The following ABCC4 variants were observed in gnomAD, a reference collection of about 807,000 sequenced individuals.
The protein encoded by ABCC4 is ATP binding cassette subfamily C member 4 (PEL blood group), also known as ATP-binding cassette sub-family C member 4.
ABCC4 carries 102 observed loss-of-function variants against 168.5 expected under a neutral mutation model. The ratio of observed to expected loss-of-function variants is 0.61; its 90% confidence interval spans 0.52 to 0.71. The LOEUF is 0.71. ABCC4 is among the 30% of genes least tolerant of loss of function. ABCC4 has a pLI of 0.00. For synonymous variants in ABCC4, 617 were observed against 590.7 expected (o/e 1.04, Z -0.65); for missense variants, 1,402 against 1,605.8 (o/e 0.87, Z 2.17).
chr13:95,052,196 G>T (rs1184620217), intron 27 of ABCC4, among the ~76,000 whole-genome samples: 5 of 151,948 alleles, frequency 3.3e-5, no homozygotes, highest in African/African-American at 1.2e-4. Flanking sequence ...GGTCAGGCTG[G>T]TCTCAAACTT....
chr13:95,122,010 G>A (rs776248333), intron 19 of ABCC4, among the ~76,000 whole-genome samples: 10 of 152,150 alleles, frequency 6.6e-5, no homozygotes, highest in Non-Finnish European at 1.2e-4. Context: ...TTTCTAATGC[G>A]GTGGGAACTC....
chr13:95,160,652 T>C (rs1047964338), intron 19 of ABCC4, among the ~76,000 whole-genome samples: 17 of 152,354 alleles, frequency 1.1e-4, no homozygotes, highest in Admixed American at 2.6e-4. Context: ...TGGCTTTTAA[T>C]TAACCACATA....
chr13:95,157,352 C>T (rs1478271232), intron 19 of ABCC4, among the ~76,000 whole-genome samples: 2 of 151,158 alleles, frequency 1.3e-5, no homozygotes, highest in East Asian at 1.9e-4. Flanking sequence ...AAAAATTAGC[C>T]GGATGTGGTG....
At chr13:95,156,045 T>C (rs2036842323) in intron 19 of ABCC4, among the ~76,000 whole-genome samples, 1 of 152,188 alleles carries the variant, frequency 6.6e-6, no homozygotes, top group Non-Finnish European at 1.5e-5. Context: ...AGAAACATCA[T>C]ACAAGCAAAT....
At chr13:95,144,081 G>T (rs534279167) in intron 19 of ABCC4, among the ~76,000 whole-genome samples, 1 of 151,836 alleles carries the variant, frequency 6.6e-6, no homozygotes, top group African/African-American at 2.4e-5. Flanking sequence ...ACAGATAAAC[G>T]CATCCATTAG....
intron 11 of ABCC4, among the ~76,000 whole-genome samples, chr13:95,183,635 G>A (rs142697915): frequency 8.5e-5 from 13 of 152,314 alleles, no homozygotes; most frequent in East Asian, 3.9e-4. Context: ...CGAGCTGGTC[G>A]TGCGCAGTGG....
At chr13:95,146,105 G>A (rs115173025) in intron 19 of ABCC4, among the ~76,000 whole-genome samples, 2,473 of 151,930 alleles carry the variant, frequency 0.016, 46 homozygotes, top group African/African-American at 0.053. Flanking sequence ...CAACTACTCA[G>A]GAGACTGAGG....
Position 95,115,779 on chromosome 13 carries a change from T to C in ABCC4, c.2535+143A>G, listed in dbSNP as rs553493936. The stretch of plus-strand genomic sequence containing the variant: ...AGCCTCTGAGTTATAACCGCACCTT[T>C]CTTTTACAAACATGGCCCTTTATTA... On this transcript the variant is annotated intron_variant, in intron 20 of 30. Transcript: ENST00000645237. 6.5e-5 allele frequency: 45 copies of C among 695,386 alleles called. No individual in the cohort carries two copies. In the South Asian group the frequency reaches 8.5e-4, roughly 13 times the overall value. The allele number at this position is 695,386 out of a possible 1,614,324, so 43.1% of individuals were successfully genotyped here.
At position 95,186,842 on chromosome 13, in the gene ABCC4, C is replaced by G. The variant is rs779951869; in HGVS notation, c.1404G>C (p.Leu468=). 2 of 1,613,950 alleles carry G rather than the reference C, an allele frequency of 1.2e-6. No homozygotes were observed. The highest frequency in any genetic ancestry group is 2.2e-5 in the South Asian group (2 of 90,998). The stretch of plus-strand genomic sequence containing the variant: ...AGGCAATTCTTCCATGCACGCTGAC[C>G]AGCCCGTGACTTGGGGCCAATTCCC... ...VLGELAPSHG[L]VSVHGRIAYV... is the part of the protein sequence containing the mutation. Residue 468 remains leucine (L), a synonymous_variant, in exon 11 of 31, where the codon CTG becomes CTC. Transcript: ENST00000645237.
chr13:95,038,051 C>T (rs762975580), intron 29 of ABCC4, among the ~76,000 whole-genome samples: 4 of 152,022 alleles, frequency 2.6e-5, no homozygotes, highest in African/African-American at 7.3e-5. Flanking sequence ...GATGGGGTTT[C>T]GCTATGTTGC....
chr13:95,271,060 A>C (rs1246936871), intron 1 of ABCC4, among the ~76,000 whole-genome samples: 1 of 152,110 alleles, frequency 6.6e-6, no homozygotes, highest in Non-Finnish European at 1.5e-5. Context: ...GCGCCACTGC[A>C]CTCCAGCCTG....
chr13:95,179,118 C>T (rs2037807120), intron 11 of ABCC4, among the ~76,000 whole-genome samples: 2 of 152,292 alleles, frequency 1.3e-5, no homozygotes, highest in Admixed American at 1.3e-4. Flanking sequence ...GAGGTCTGTG[C>T]TGGAGACCCA....
intron 26 of ABCC4, among the ~76,000 whole-genome samples, chr13:95,062,106 T>G (rs983035530): frequency 6.6e-6 from 1 of 152,122 alleles, no homozygotes; most frequent in Non-Finnish European, 1.5e-5. Context: ...ACAATGGTGA[T>G]CGTAAGGAAG....
At chr13:95,218,300 T>C (rs1214499050) in intron 4 of ABCC4, among the ~76,000 whole-genome samples, 2 of 152,182 alleles carry the variant, frequency 1.3e-5, no homozygotes, top group African/African-American at 2.4e-5. Context: ...CTAAAACCAA[T>C]AATCTCTGTT....
Position 95,171,287 on chromosome 13 carries a change from A to G in ABCC4, c.1728-659T>C, listed in dbSNP as rs555224222. On this transcript the variant is annotated intron_variant, in intron 13 of 30. Transcript: ENST00000645237. The stretch of plus-strand genomic sequence containing the variant: ...ACAGTCCAAACCATATGGCTCAAAG[A>G]TAAGACCCACCTCAGTATTCAACCA... 3.3e-5 allele frequency among the ~76,000 whole-genome samples: 5 copies of G among 152,226 alleles called. No individual in the cohort carries two copies. The South Asian group carries it at 6.2e-4, about 19-fold the overall frequency.
At chr13:95,029,167 CATATATAT>C (rs67576340) in intron 30 of ABCC4, among the ~76,000 whole-genome samples, 5,286 of 82,548 alleles carry the variant, frequency 0.064, 436 homozygotes, top group Non-Finnish European at 0.074. Context: ...AAAAAAAATA[CATATATAT>C]ATATATATAT....
chr13:95,062,812 T>G lies in ABCC4; in HGVS notation c.3258A>C (p.Ser1086=), dbSNP rs2033351619. The G allele has an allele frequency of 6.2e-7, 1 of 1,613,472 alleles. No homozygotes were observed. The highest frequency in any genetic ancestry group is 1.1e-5 in the South Asian group (1 of 91,038). ...CGGGTTCTGACAATCTAAAAAGGGC[T>G]GAGATGAGGGAACTTTTTCCAGCTC... The part of the protein sequence containing the change: ...RTGAGKSSLI[S]ALFRLSEPEG... The change falls in exon 26 of 31, where the codon TCA becomes TCC. Residue 1086 remains serine, a synonymous_variant. Transcript: ENST00000645237.
chr13:95,047,094 A>C (rs1273418495), intron 27 of ABCC4, among the ~76,000 whole-genome samples: 1 of 152,194 alleles, frequency 6.6e-6, no homozygotes, highest in Admixed American at 6.5e-5. Flanking sequence ...ATGTAGCAAA[A>C]TACCGTATTA....
intron 8 of ABCC4, among the ~76,000 whole-genome samples, chr13:95,197,568 T>C (rs1003112114): frequency 2.6e-5 from 4 of 152,156 alleles, no homozygotes; most frequent in Non-Finnish European, 4.4e-5. Flanking sequence ...CTTTCTCTAG[T>C]CACTCAGGAG....
Sources: gnomAD v4.1 joint callset for allele counts (sites outside exome capture counted in the v4.1 genomes callset) on GRCh38, gnomAD v4.1.1 for gene constraint, MANE v1.5 for transcripts, NCBI Gene and HGNC (gene_info 2026-07-23, HGNC 2026-07-21) for gene names.